The following PEX5L variants were observed in gnomAD, a reference collection of about 807,000 sequenced individuals.
PEX5L encodes the protein PEX5-related protein.
In PEX5L, 30 loss-of-function variants were observed where a neutral mutation model predicts 84.0. That is an observed-to-expected ratio of 0.36 (90% CI 0.27 to 0.48). The LOEUF is 0.48. PEX5L is among the 20% of genes least tolerant of loss of function. The pLI is 0.99. For missense variants in PEX5L, 533 were observed against 754.6 expected, an observed-to-expected ratio of 0.71 and a Z score of 3.44; for synonymous variants, 270 against 283.1, an observed-to-expected ratio of 0.95 and a Z score of 0.46.
chr3:179,863,186 C>T (rs372681492), intron 7 of PEX5L, among the ~76,000 whole-genome samples: 5 of 152,228 alleles, frequency 3.3e-5, no homozygotes, highest in African/African-American at 1.2e-4. Flanking sequence ...CAAAAACCAA[C>T]TCAAAATGGA....
chr3:179,876,547 C>T (rs575804018), intron 5 of PEX5L, among the ~76,000 whole-genome samples: 1 of 151,244 alleles, frequency 6.6e-6, no homozygotes, highest in South Asian at 2.1e-4. Flanking sequence ...GGTCTTTTTT[C>T]CCCTTCTTTT....
intron 2 of PEX5L, among the ~76,000 whole-genome samples, chr3:179,954,625 T>G (rs1027625056): frequency 2.0e-5 from 3 of 152,060 alleles, no homozygotes; most frequent in Admixed American, 1.3e-4. Flanking sequence ...TTCAAGAAAA[T>G]GCAATGCAGT....
intron 8 of PEX5L, among the ~76,000 whole-genome samples, chr3:179,839,336 G>A (rs893082499): frequency 6.6e-6 from 1 of 152,124 alleles, no homozygotes; most frequent in African/African-American, 2.4e-5. Context: ...TTCAAATGGT[G>A]ACAAAAATAC....
intron 14 of PEX5L, among the ~76,000 whole-genome samples, chr3:179,802,483 C>T (rs922378255): frequency 2.2e-5 from 3 of 137,354 alleles, no homozygotes; most frequent in African/African-American, 8.3e-5. Flanking sequence ...TGCAGTGAGC[C>T]GAGATCACAC....
intron 10 of PEX5L, 55 bp downstream of exon 10, chr3:179,815,806 T>G: frequency 6.3e-7 from 1 of 1,587,604 alleles, no homozygotes; most frequent in African/African-American, 1.3e-5. Context: ...GTGTTATCTG[T>G]CCCTTGTTAG....
intron 2 of PEX5L, among the ~76,000 whole-genome samples, chr3:179,913,527 T>C (rs968837289): frequency 5.3e-5 from 8 of 152,132 alleles, no homozygotes; most frequent in Non-Finnish European, 1.2e-4. Flanking sequence ...TTTTTCTTTT[T>C]TTCTCAAGAA....
intron 1 of PEX5L, among the ~76,000 whole-genome samples, chr3:180,032,031 C>A (rs1006937799): frequency 1.3e-5 from 2 of 152,144 alleles, no homozygotes; most frequent in African/African-American, 2.4e-5. Flanking sequence ...GCCAGTATGG[C>A]TGGGGAATGA....
intron 2 of PEX5L, among the ~76,000 whole-genome samples, chr3:179,956,963 G>A (rs1400732949): frequency 6.6e-6 from 1 of 152,036 alleles, no homozygotes; most frequent in East Asian, 1.9e-4. Flanking sequence ...TAAAAGATGA[G>A]TAAGGTTTGA....
chr3:179,874,877 C>T (rs1224207315), intron 6 of PEX5L, among the ~76,000 whole-genome samples: 2 of 150,560 alleles, frequency 1.3e-5, no homozygotes, highest in Admixed American at 6.7e-5. Flanking sequence ...GGAAGCCAGA[C>T]ACTGCCCTTT....
intron 7 of PEX5L, among the ~76,000 whole-genome samples, chr3:179,865,768 C>T (rs1179062581): frequency 6.6e-6 from 1 of 152,060 alleles, no homozygotes; most frequent in Non-Finnish European, 1.5e-5. Context: ...CCGGGGACTC[C>T]GATTCAGTAG....
intron 2 of PEX5L, among the ~76,000 whole-genome samples, chr3:179,960,028 AG>A (rs1330356087): frequency 3.3e-5 from 5 of 152,194 alleles, no homozygotes; most frequent in South Asian, 4.1e-4. Flanking sequence ...TTTCAAGAGC[AG>A]GCTTTATGTT....
At chr3:179,881,399 T>A (rs1754121099) in intron 4 of PEX5L, 1 of 152,204 alleles carries the variant, frequency 6.6e-6, no homozygotes, top group Non-Finnish European at 1.5e-5. Flanking sequence ...AGTGGTTGGA[T>A]GTTGTTGGTG....
At chr3:179,835,778 T>A (rs529352674) in intron 8 of PEX5L, among the ~76,000 whole-genome samples, 1 of 152,304 alleles carries the variant, frequency 6.6e-6, no homozygotes, top group South Asian at 2.1e-4. Flanking sequence ...ACTGTCCAGA[T>A]GGCCCGGAAT....
chr3:179,831,071 A>G (rs965231297), intron 8 of PEX5L, among the ~76,000 whole-genome samples: 2 of 152,178 alleles, frequency 1.3e-5, no homozygotes, highest in Admixed American at 6.5e-5. Flanking sequence ...TAATCCCATC[A>G]CTTTGGGAGA....
chr3:179,962,572 G>A (rs1782344107), intron 2 of PEX5L, among the ~76,000 whole-genome samples: 1 of 152,122 alleles, frequency 6.6e-6, no homozygotes, highest in African/African-American at 2.4e-5. Flanking sequence ...TGGGTTCCAT[G>A]GGATGGAATT....
chr3:179,961,153 G>A (rs923764936), intron 2 of PEX5L, among the ~76,000 whole-genome samples: 10 of 151,560 alleles, frequency 6.6e-5, no homozygotes, highest in Admixed American at 2.0e-4. Flanking sequence ...CAAAAAATAC[G>A]ATGAGGAATA....
chr3:179,945,667 T>C (rs573734915), intron 2 of PEX5L, among the ~76,000 whole-genome samples: 5 of 152,192 alleles, frequency 3.3e-5, no homozygotes, highest in Non-Finnish European at 7.3e-5. Flanking sequence ...AATTGTACCT[T>C]CCGTCCATGG....
chr3:179,813,831 C>T (rs1170935014), intron 10 of PEX5L, among the ~76,000 whole-genome samples: 3 of 152,030 alleles, frequency 2.0e-5, no homozygotes, highest in Admixed American at 1.3e-4. Context: ...CGCCCGCCAC[C>T]GCGCCCGGCT....
At chr3:179,959,606 TC>T (rs1185209089) in intron 2 of PEX5L, among the ~76,000 whole-genome samples, 1 of 152,228 alleles carries the variant, frequency 6.6e-6, no homozygotes, top group Non-Finnish European at 1.5e-5. Context: ...TGTATTTTTT[TC>T]AAAAGCAGCA....
Sources: gnomAD v4.1 joint callset for allele counts (sites outside exome capture counted in the v4.1 genomes callset) on GRCh38, gnomAD v4.1.1 for gene constraint, MANE v1.5 for transcripts, NCBI Gene and HGNC (gene_info 2026-07-23, HGNC 2026-07-21) for gene names.